The following HSPA8 variants were observed in gnomAD, a reference collection of about 807,000 sequenced individuals.
The protein encoded by HSPA8 is heat shock cognate 71 kDa protein.
In HSPA8, 2 loss-of-function variants were observed where a neutral mutation model predicts 52.8. That is an observed-to-expected ratio of 0.04 (90% CI 0.02 to 0.12). The LOEUF is 0.12. HSPA8 is among the 10% of genes least tolerant of loss of function. The probability of loss-of-function intolerance (pLI) is 1.00; values close to 1 mark genes in which losing one functional copy is unlikely to be tolerated. For missense variants in HSPA8, 349 were observed against 800.5 expected (o/e 0.44, Z 6.81); for synonymous variants, 436 against 274.0 (o/e 1.59, Z -5.84).
At position 123,058,834 on chromosome 11, in the gene HSPA8, G is replaced by A. The variant is rs1326423721; in HGVS notation, c.1324-4C>T. 11 of 1,613,704 alleles carry A rather than the reference G, an allele frequency of 6.8e-6. No individual in the cohort carries two copies. Among genetic ancestry groups the A allele is most frequent in the Non-Finnish European group, 6.8e-6 (8 of 1,179,712 alleles). ...TGGCACGCTCGCCTTCATAAACCTT[G>A]GTAGGAAATAAAACAAATTACTACA... is the stretch of plus-strand genomic sequence containing the variant. On this transcript the variant is annotated splice_polypyrimidine_tract_variant and splice_region_variant and intron_variant, in intron 6 of 8. Transcript: ENST00000534624.
rs376828215 is a variant in HSPA8, at chr11:123,059,612, G to A, written c.981C>T (p.Asp327=). Residue 327 remains aspartate, a synonymous_variant, in exon 5 of 9, where the codon GAC becomes GAT. Transcript: ENST00000534624. ...VEKALRDAKL[D]KSQIHDIVLV... ...GGACAATATCATGAATCTGTGACTT[G>A]TCTAGTTTGGCATCTCGAAGGGCTT... The A allele has an allele frequency of 2.3e-4, 364 of 1,614,152 alleles. No homozygotes were observed. The highest frequency in any genetic ancestry group is 2.9e-4 in the Non-Finnish European group (346 of 1,180,020).
chr11:123,057,802 A>G lies in HSPA8; in HGVS notation c.1873T>C (p.Phe625Leu). The change falls in exon 9 of 9, where the codon TTT becomes CTT. Residue 625 changes from phenylalanine (F) to leucine (L), a missense_variant. Phe to Leu is a conservative substitution (Grantham distance 22). Transcript: ENST00000534624. ...GGMPGGMPGGFPGGGAPPSGG... is the reference protein window; with the variant it reads ...GGMPGGMPGGLPGGGAPPSGG... ...GAGGGAGGAGCTCCACCACCAGGAA[A>G]TCCCCCAGGCATTCCTCCTGGCATG... 6.2e-7 allele frequency: 1 copy of G among 1,613,830 alleles called. No individual in the cohort carries two copies. Among genetic ancestry groups the G allele is most frequent in the Non-Finnish European group, 8.5e-7 (1 of 1,179,796 alleles).
In HSPA8 at chr11:123,058,235, A is replaced by AAC. The variant is rs1231948958; in HGVS notation, c.1755+16_1755+17insGT. 6.7e-7 allele frequency: 1 copy of AAC among 1,486,402 alleles called. No individual in the cohort carries two copies. The highest frequency in any genetic ancestry group is 1.9e-5 in the Admixed American group (1 of 53,834). 92.1% of individuals were successfully genotyped at this position (1,486,402 alleles called of 1,614,324 possible). A position where few individuals can be genotyped will look rare whatever the true frequency, so the allele number is the denominator to read the frequency against. ...CCATTGAGTGGGGGAGGAAAAAAAAAAAAAAAAAACACAAACCTGATTCTT... is the reference window on the plus strand; with the variant it reads ...CCATTGAGTGGGGGAGGAAAAAAAAAACAAAAAAAAACACAAACCTGATTCTT... On this transcript the variant is annotated intron_variant, in intron 8 of 8. Coordinates refer to ENST00000534624, the MANE Select transcript of HSPA8 (RefSeq NM_006597.6).
In HSPA8 at chr11:123,059,522, T is replaced by C. The variant is rs1225778266; in HGVS notation, c.1071A>G (p.Lys357=). The change falls in exon 5 of 9, where the codon AAA becomes AAG. Residue 357 remains lysine, a synonymous_variant. Transcript: ENST00000534624. The part of the protein sequence containing the change: ...QKLLQDFFNG[K]ELNKSINPDE... ...CAGGGTTGATGCTCTTATTCAGTTC[T>C]TTTCCATTGAAGAAGTCTTGGAGAA... 6.2e-7 allele frequency: 1 copy of C among 1,614,112 alleles called. No individual in the cohort carries two copies. Among genetic ancestry groups the C allele is most frequent in the African/African-American group, 1.3e-5 (1 of 75,042 alleles).
rs752977940 is a variant in HSPA8, at chr11:123,058,241, A to AC, written c.1755+10_1755+11insG. On this transcript the variant is annotated intron_variant, in intron 8 of 8. Transcript: ENST00000534624. ...AGTGGGGGAGGAAAAAAAAAAAAAA[A>AC]AAACACAAACCTGATTCTTATCAAG... The AC allele has an allele frequency of 4.6e-6, 7 of 1,518,566 alleles. No individual in the cohort carries two copies. Among genetic ancestry groups the AC allele is most frequent in the Middle Eastern group, 1.7e-4 (1 of 5,752 alleles). The allele number at this position is 1,518,566 out of a possible 1,614,324, so 94.1% of individuals were successfully genotyped here.
intron 7 of HSPA8, 40 bp from the exon 8 acceptor site, chr11:123,058,524 C>A (rs767535547): frequency 6.3e-7 from 1 of 1,593,222 alleles, no homozygotes; most frequent in East Asian, 2.2e-5. Flanking sequence ...CCTTAAATTA[C>A]CTGTGTATGT....
At chr11:123,058,201 C>A (rs375100917) in intron 8 of HSPA8, 51 bp downstream of exon 8, 2 of 1,155,328 alleles carry the variant, frequency 1.7e-6, no homozygotes, top group Non-Finnish European at 2.6e-6. Flanking sequence ...TTTACCATCC[C>A]CTTCCCCTCC....
At chr11:123,060,989 A>G (rs1312261991) in intron 2 of HSPA8, 131 bp downstream of exon 2, 3 of 933,120 alleles carry the variant, frequency 3.2e-6, no homozygotes, top group African/African-American at 1.7e-5. Flanking sequence ...AACCTGTTTT[A>G]TAACAGACTT....
At chr11:123,058,015 C>T (rs1865360016) in intron 8 of HSPA8, 96 bp from the exon 9 acceptor site, 1 of 1,025,422 alleles carries the variant, frequency 9.8e-7, no homozygotes, top group African/African-American at 1.6e-5. Flanking sequence ...CTGGCGCAAA[C>T]TCTTACAAGA....
chr11:123,059,449 G>C, intron 5 of HSPA8, 24 bp downstream of exon 5: 4 of 1,590,966 alleles, frequency 2.5e-6, no homozygotes, highest in Non-Finnish European at 3.4e-6. Context: ...CTGCCTTTAG[G>C]GTTAATTGAG....
At chr11:123,060,520 T>A in intron 3 of HSPA8, 73 bp downstream of exon 3, 1 of 1,179,452 alleles carries the variant, frequency 8.5e-7, no homozygotes, top group South Asian at 1.2e-5. Flanking sequence ...CCTCGCCAGG[T>A]GCCAGTGCCC....
At chr11:123,060,401 T>C in intron 3 of HSPA8, 133 bp from the exon 4 acceptor site, 1 of 1,000,512 alleles carries the variant, frequency 1.0e-6, no homozygotes, top group African/African-American at 1.6e-5. Context: ...ACTGTGTAAT[T>C]GTCAAGATTC....
At position 123,062,110 on chromosome 11, in the gene HSPA8, C is replaced by G. The variant is rs546530753; in HGVS notation, c.-52G>C. ...AATAACGAAGGAAGCCACAAAAAAC[C>G]CAAGAGCTGCAGGCGAGTTCAATGA... On this transcript the variant is annotated 5_prime_UTR_variant, in exon 1 of 9. Coordinates refer to ENST00000534624, the MANE Select transcript of HSPA8 (RefSeq NM_006597.6). 1.4e-3 allele frequency: 211 copies of G among 153,058 alleles called. No homozygotes were observed. Among genetic ancestry groups the G allele is most frequent in the Non-Finnish European group, 1.2e-3 (84 of 68,662 alleles). 9.5% of individuals were successfully genotyped at this position (153,058 alleles called of 1,614,324 possible).
At position 123,058,482 on chromosome 11, in the gene HSPA8, G is replaced by T; in HGVS notation, c.1525C>A (p.Arg509Ser). 1 of 1,613,314 alleles carries T rather than the reference G, an allele frequency of 6.2e-7. No individual in the cohort carries two copies. Reference protein sequence around the residue: ...NKITITNDKGRLSKEDIERMV... With the variant: ...NKITITNDKGSLSKEDIERMV... ...CGTTCAATGTCTTCCTTGCTCAAAC[G>T]GCCTAGGAAAGAAATTAACTCTAAG... Residue 509 changes from arginine to serine, a missense_variant and splice_region_variant, in exon 8 of 9, where the codon CGT (arginine) becomes AGT (serine). By Grantham distance (110) the Arg-to-Ser change is moderately radical (BLOSUM62 -1). Coordinates refer to ENST00000534624, the MANE Select transcript of HSPA8 (RefSeq NM_006597.6).
intron 8 of HSPA8, 74 bp from the exon 9 acceptor site, chr11:123,057,993 G>C: frequency 8.2e-7 from 1 of 1,224,424 alleles, no homozygotes; most frequent in Admixed American, 2.3e-5. Flanking sequence ...GACGCAATCT[G>C]ATACTAAAAG....
intron 2 of HSPA8, 105 bp downstream of exon 2, chr11:123,061,015 A>G (rs1361080622): frequency 9.8e-7 from 1 of 1,018,048 alleles, no homozygotes; most frequent in Admixed American, 2.1e-5. Flanking sequence ...CAAGTCTCTC[A>G]GCTCAGTTTT....
Position 123,058,861 on chromosome 11 carries a change from T to C in HSPA8, c.1324-31A>G, listed in dbSNP as rs375810107. 8.4e-5 allele frequency: 134 copies of C among 1,593,418 alleles called. No individual in the cohort carries two copies. In the Middle Eastern group the frequency reaches 4.3e-3, roughly 51 times the overall value. ...TAGGAAATAAAACAAATTACTACAA[T>C]GGACTCCAGGTCTGTGACAGTGCTA... On this transcript the variant is annotated intron_variant, in intron 6 of 8. Transcript: ENST00000534624.
rs1005627348 is a variant in HSPA8 at position 123,061,737 on chromosome 11, G to A, written c.-6+327C>T. ...ACCACGGTGGGACTGGACTAAGCAG[G>A]GAACTGGGTGAAAGAAAACGCTGGC... On this transcript the variant is annotated intron_variant, in intron 1 of 8. Transcript: ENST00000534624. 5 of 183,560 alleles carry A rather than the reference G, an allele frequency of 2.7e-5. No individual in the cohort carries two copies. The South Asian group carries it at 2.9e-4, about 11-fold the overall frequency. The allele number at this position is 183,560 out of a possible 1,614,324, so 11.4% of individuals were successfully genotyped here.
intron 3 of HSPA8, 29 bp from the exon 4 acceptor site, chr11:123,060,297 G>A (rs781509707): frequency 8.1e-6 from 13 of 1,606,162 alleles, no homozygotes; most frequent in African/African-American, 8.0e-5. Flanking sequence ...CCACAGATTG[G>A]TAACTATTAT....
Sources: gnomAD v4.1 joint callset for allele counts on GRCh38, gnomAD v4.1.1 for gene constraint, MANE v1.5 for transcripts, NCBI Gene and HGNC (gene_info 2026-07-23, HGNC 2026-07-21) for gene names.